BNIP1: variants seen among roughly 807,000 people sequenced by gnomAD.
BNIP1 encodes vesicle transport protein SEC20.
A neutral mutation model predicts 28.5 loss-of-function variants in BNIP1; 25 were observed. The ratio of observed to expected loss-of-function variants is 0.88; its 90% CI spans 0.64 to 1.23. BNIP1 has a LOEUF of 1.23. Ranked by LOEUF, BNIP1 falls within the 50% of genes most tolerant of loss-of-function variation. The pLI is 0.00. For missense variants in BNIP1, 276 were observed against 277.0 expected (o/e 1.00, Z 0.02); for synonymous variants, 118 against 101.7 (o/e 1.16, Z -0.96).
At chr5:173,151,481 A>G in intron 2 of BNIP1, 2 of 1,398,732 alleles carry the variant, frequency 1.4e-6, no homozygotes, top group Non-Finnish European at 1.9e-6. Flanking sequence ...TCAGCCTTCC[A>G]AAGTGTTGGG....
chr5:173,158,508 C>A (rs2113856860), intron 3 of BNIP1, among the ~76,000 whole-genome samples: 1 of 152,358 alleles, frequency 6.6e-6, no homozygotes, highest in South Asian at 2.1e-4. Flanking sequence ...GGCAGAGTGA[C>A]AGCAACAGAG....
At chr5:173,162,163 T>C (rs1001814191) in intron 5 of BNIP1, among the ~76,000 whole-genome samples, 2 of 152,228 alleles carry the variant, frequency 1.3e-5, no homozygotes, top group Admixed American at 1.3e-4. Flanking sequence ...ACTTTAAATT[T>C]TCCAGTAGGC....
Position 173,163,744 on chromosome 5 carries a change from C to T in BNIP1, c.510C>T (p.Ile170=). 6.2e-7 allele frequency: 1 copy of T among 1,608,480 alleles called. No homozygotes were observed. The highest frequency in any genetic ancestry group is 8.5e-7 in the Non-Finnish European group (1 of 1,177,086). ...MQSLVTSSRT[I]LDANEEFKSM... ...TTTCAGTCACTTCTTCACGAACGAT[C>T]CTGGATGCAAATGAAGAATTTAAGT... is the stretch of plus-strand genomic sequence containing the variant. Residue 170 remains isoleucine (I), a synonymous_variant, in exon 6 of 6, where the codon ATC becomes ATT. Transcript: ENST00000351486.
At chr5:173,155,497 G>A (rs1056893357) in intron 3 of BNIP1, among the ~76,000 whole-genome samples, 2 of 152,060 alleles carry the variant, frequency 1.3e-5, no homozygotes, top group Admixed American at 6.6e-5. Flanking sequence ...TCAGGAGTTC[G>A]AGACCAGCTT....
intron 5 of BNIP1, 54 bp from the exon 6 acceptor site, chr5:173,163,671 T>A (rs1760427470): frequency 6.7e-7 from 1 of 1,501,540 alleles, no homozygotes; most frequent in Non-Finnish European, 9.0e-7. Flanking sequence ...GAGTGAGGTC[T>A]TTGGATCTTG....
rs1345142416 is a variant in BNIP1, at chr5:173,159,960, G to A, written c.399G>A (p.Gln133=). Residue 133 remains glutamine, a synonymous_variant, in exon 5 of 6, where the codon CAG becomes CAA. Coordinates refer to ENST00000351486, the MANE Select transcript of BNIP1 (RefSeq NM_001205.3). ...AAACCACCAAAGAGAGCCTGGCCCA[G>A]ACATCCAGTACCATCACTGAGAGCC... ...QRKTTKESLA[Q]TSSTITESLM... 3 of 1,614,004 alleles carry A rather than the reference G, an allele frequency of 1.9e-6. No homozygotes were observed. Among genetic ancestry groups the A allele is most frequent in the African/African-American group, 2.7e-5 (2 of 74,928 alleles).
intron 1 of BNIP1, among the ~76,000 whole-genome samples, chr5:173,145,597 G>A (rs255305): frequency 0.28 from 43,211 of 152,056 alleles, 7,132 homozygotes; most frequent in Non-Finnish European, 0.38. Context: ...TAGAGACGGG[G>A]TTTCACCGTG....
intron 3 of BNIP1, among the ~76,000 whole-genome samples, chr5:173,154,648 G>C (rs1760127893): frequency 6.6e-6 from 1 of 151,948 alleles, no homozygotes; most frequent in Middle Eastern, 3.2e-3. Flanking sequence ...TCAGCCTCCT[G>C]AGTAGCTGGG....
intron 2 of BNIP1, among the ~76,000 whole-genome samples, chr5:173,148,084 ATATATATATATAT>A (rs1209824907): frequency 0.011 from 184 of 16,932 alleles, 8 homozygotes; most frequent in Non-Finnish European, 0.014. Context: ...AAAAAAAAAA[ATATATATATATAT>A]ATATATATAT....
chr5:173,149,315 A>G (rs1202167315), intron 2 of BNIP1, among the ~76,000 whole-genome samples: 1 of 152,076 alleles, frequency 6.6e-6, no homozygotes, highest in Non-Finnish European at 1.5e-5. Flanking sequence ...GGAGCAAGTC[A>G]CGTCTTATAT....
intron 5 of BNIP1, among the ~76,000 whole-genome samples, chr5:173,162,489 C>T (rs1479121312): frequency 1.3e-5 from 2 of 151,958 alleles, no homozygotes; most frequent in Non-Finnish European, 2.9e-5. Flanking sequence ...ATTAGCTGGG[C>T]GTGGTGGTGC....
intron 1 of BNIP1, chr5:173,144,837 T>C (rs1227255090): frequency 1.8e-6 from 1 of 559,336 alleles, no homozygotes; most frequent in Non-Finnish European, 3.2e-6. Flanking sequence ...CCGCCGGATC[T>C]CCCATCCCCA....
chr5:173,144,771 C>G (rs942269040), intron 1 of BNIP1, 142 bp downstream of exon 1: 2 of 840,422 alleles, frequency 2.4e-6, no homozygotes, highest in African/African-American at 3.5e-5. Context: ...GCTACCCCCC[C>G]GGTCCCCATT....
At chr5:173,155,257 A>G (rs1057478739) in intron 3 of BNIP1, among the ~76,000 whole-genome samples, 103 of 152,334 alleles carry the variant, frequency 6.8e-4, no homozygotes, top group African/African-American at 2.4e-3. Context: ...ATTTCTTGTT[A>G]TTGAATTGGG....
chr5:173,146,764 T>G, intron 1 of BNIP1, 102 bp from the exon 2 acceptor site: 2 of 736,882 alleles, frequency 2.7e-6, no homozygotes, highest in South Asian at 1.8e-5. Flanking sequence ...ATAGTTAGTA[T>G]GTTAATATTA....
chr5:173,154,770 C>T (rs982880671), intron 3 of BNIP1, among the ~76,000 whole-genome samples: 2 of 152,170 alleles, frequency 1.3e-5, no homozygotes, highest in Non-Finnish European at 2.9e-5. Context: ...GATTCACCCA[C>T]CTTGGCTTCC....
intron 1 of BNIP1, among the ~76,000 whole-genome samples, 200 bp from the exon 2 acceptor site, chr5:173,146,666 A>C (rs1010524624): frequency 6.6e-6 from 1 of 152,220 alleles, no homozygotes. Flanking sequence ...TATTAATTCA[A>C]CATTAATCTA....
intron 3 of BNIP1, 132 bp downstream of exon 3, chr5:173,154,545 C>A: frequency 1.5e-6 from 1 of 666,792 alleles, no homozygotes; most frequent in Non-Finnish European, 2.5e-6. Context: ...TTTTGAGAGA[C>A]GGTGTCTCGC....
intron 3 of BNIP1, among the ~76,000 whole-genome samples, chr5:173,157,983 G>A (rs1423011224): frequency 6.7e-6 from 1 of 149,764 alleles, no homozygotes; most frequent in Non-Finnish European, 1.5e-5. Context: ...CTGGAGTATA[G>A]TGGTACTATC....
Sources: allele counts gnomAD v4.1 joint callset (sites outside exome capture counted in the v4.1 genomes callset), GRCh38; gene constraint gnomAD v4.1.1; transcripts MANE v1.5; gene names NCBI Gene and HGNC (gene_info 2026-07-23, HGNC 2026-07-21).